The following GRB2 variants were observed in gnomAD, a reference collection of about 807,000 sequenced individuals.
GRB2 encodes growth factor receptor-bound protein 2.
Under a neutral mutation model 27.4 loss-of-function variants are expected in GRB2, and 2 were observed. The ratio of observed to expected loss-of-function variants is 0.07; its 90% CI spans 0.03 to 0.23. The LOEUF is 0.23. Among genes scored for constraint, GRB2 ranks in the 10% least tolerant of loss-of-function variants. GRB2 has a pLI of 1.00. For synonymous variants in GRB2, 94 were observed against 99.6 expected (o/e 0.94, Z 0.33); for missense variants, 102 against 282.4 (o/e 0.36, Z 4.58).
Position 75,355,121 on chromosome 17 carries a change from G to A in GRB2, c.79-22324C>T, listed in dbSNP as rs1199347166. Among the ~76,000 whole-genome samples the A allele has an allele frequency of 8.5e-5, 13 of 152,246 alleles. No homozygotes were observed. The South Asian group carries it at 1.9e-3, about 22-fold the overall frequency. ...CCGCGCCTGGCCAGGACCTGTACTC[G>A]TACTTTTGTCCCTGTTCCTAGCAAA... On this transcript the variant is annotated intron_variant, in intron 2 of 5. Transcript: ENST00000316804.
intron 2 of GRB2, among the ~76,000 whole-genome samples, chr17:75,391,366 ATCT>A (rs1390906212): frequency 6.6e-6 from 1 of 152,190 alleles, no homozygotes. Flanking sequence ...GTTAAACAGG[ATCT>A]TCTTCCCTAA....
intron 2 of GRB2, among the ~76,000 whole-genome samples, chr17:75,358,700 T>TAAAAAAAAA (rs71159497): frequency 1.5e-5 from 1 of 66,298 alleles, no homozygotes; most frequent in Non-Finnish European, 3.0e-5. Context: ...CCATCTCTAC[T>TAAAAAAAAA]AAAAAAAAAA....
chr17:75,336,926 C>T (rs1164822672), intron 2 of GRB2, among the ~76,000 whole-genome samples: 6 of 152,084 alleles, frequency 3.9e-5, no homozygotes, highest in Non-Finnish European at 8.8e-5. Context: ...TTAGCAGACA[C>T]GGGATTTCAC....
chr17:75,377,597 GAAAAAAAAAAA>G (rs60003550), intron 2 of GRB2, among the ~76,000 whole-genome samples: 17 of 53,174 alleles, frequency 3.2e-4, no homozygotes, highest in East Asian at 1.2e-3. Context: ...CCCTGTCTCA[GAAAAAAAAAAA>G]AAAAAAAAAA....
intron 2 of GRB2, among the ~76,000 whole-genome samples, chr17:75,376,209 G>A (rs1204035697): frequency 1.3e-5 from 2 of 150,582 alleles, no homozygotes; most frequent in Admixed American, 1.3e-4. Context: ...CAGGCGTGTC[G>A]GCATGCGCCT....
chr17:75,384,885 C>A (rs182619556), intron 2 of GRB2, among the ~76,000 whole-genome samples: 1 of 151,220 alleles, frequency 6.6e-6, no homozygotes, highest in Non-Finnish European at 1.5e-5. Context: ...AGTTTGACCT[C>A]ATTTGTGTAT....
chr17:75,365,249 C>T (rs976103639), intron 2 of GRB2, among the ~76,000 whole-genome samples: 3 of 152,088 alleles, frequency 2.0e-5, no homozygotes, highest in Non-Finnish European at 4.4e-5. Context: ...GGGGCAGAAA[C>T]GAATGGCTCA....
At chr17:75,393,225 A>C (rs1024059183) in intron 2 of GRB2, among the ~76,000 whole-genome samples, 5 of 152,220 alleles carry the variant, frequency 3.3e-5, no homozygotes, top group Non-Finnish European at 4.4e-5. Context: ...TGCTATTTTT[A>C]AAATAAAACT....
At chr17:75,340,998 A>G (rs1202266210) in intron 2 of GRB2, among the ~76,000 whole-genome samples, 1 of 152,212 alleles carries the variant, frequency 6.6e-6, no homozygotes, top group Non-Finnish European at 1.5e-5. Context: ...ATCAGTCTCC[A>G]TTTGGAATGA....
chr17:75,400,434 A>G (rs1420294057), intron 1 of GRB2, among the ~76,000 whole-genome samples: 1 of 151,558 alleles, frequency 6.6e-6, no homozygotes. Flanking sequence ...TTGGCCTCCC[A>G]AAGTGCTGGG....
chr17:75,370,170 C>A (rs531107477), intron 2 of GRB2, among the ~76,000 whole-genome samples: 5 of 152,170 alleles, frequency 3.3e-5, no homozygotes, highest in Non-Finnish European at 7.3e-5. Flanking sequence ...ATTGATGCAA[C>A]GTTCAAGCTC....
At chr17:75,398,551 G>A (rs534095451) in intron 1 of GRB2, among the ~76,000 whole-genome samples, 3 of 151,932 alleles carry the variant, frequency 2.0e-5, no homozygotes, top group Admixed American at 2.0e-4. Flanking sequence ...ATGAGCCACC[G>A]CACCAGGCAC....
intron 2 of GRB2, among the ~76,000 whole-genome samples, chr17:75,351,466 T>C (rs928344148): frequency 1.3e-5 from 2 of 152,100 alleles, no homozygotes; most frequent in African/African-American, 4.8e-5. Context: ...CTGAGGGATA[T>C]AGCCAAGACC....
At chr17:75,370,820 T>G (rs2078850573) in intron 2 of GRB2, 1 of 152,234 alleles carries the variant, frequency 6.6e-6, no homozygotes, top group Non-Finnish European at 1.5e-5. Flanking sequence ...TTCTTGTTTT[T>G]TATACATCCA....
intron 2 of GRB2, among the ~76,000 whole-genome samples, chr17:75,355,261 T>C (rs2078724166): frequency 6.6e-6 from 1 of 152,220 alleles, no homozygotes; most frequent in Non-Finnish European, 1.5e-5. Flanking sequence ...CTACTGGATT[T>C]TTCTAATCAA....
chr17:75,351,757 G>A (rs187258423), intron 2 of GRB2, among the ~76,000 whole-genome samples: 2 of 152,200 alleles, frequency 1.3e-5, no homozygotes, highest in East Asian at 3.9e-4. Context: ...CCCATTCTTC[G>A]AGAATATAGG....
At chr17:75,403,355 G>C (rs765064520) in intron 1 of GRB2, among the ~76,000 whole-genome samples, 17 of 151,980 alleles carry the variant, frequency 1.1e-4, no homozygotes, top group Non-Finnish European at 2.2e-4. Flanking sequence ...TGGACAACAT[G>C]CAACATGATA....
At chr17:75,389,947 T>C (rs1354952352) in intron 2 of GRB2, among the ~76,000 whole-genome samples, 2 of 152,222 alleles carry the variant, frequency 1.3e-5, no homozygotes, top group Non-Finnish European at 2.9e-5. Context: ...TTAATCTCAA[T>C]TCTCTTACTT....
chr17:75,337,334 G>A (rs1344094053), intron 2 of GRB2, among the ~76,000 whole-genome samples: 1 of 151,276 alleles, frequency 6.6e-6, no homozygotes, highest in African/African-American at 2.4e-5. Flanking sequence ...TAAAAATTAA[G>A]TTTTATTCAA....
Sources: allele counts gnomAD v4.1 joint callset (sites outside exome capture counted in the v4.1 genomes callset), GRCh38; gene constraint gnomAD v4.1.1; transcripts MANE v1.5; gene names NCBI Gene and HGNC (gene_info 2026-07-23, HGNC 2026-07-21).